ADGRE1: variants seen among roughly 807,000 people sequenced by gnomAD.
ADGRE1 encodes the protein EGF-like module receptor 1.
A neutral mutation model predicts 102.7 loss-of-function variants in ADGRE1; 82 were observed. The ratio of observed to expected loss-of-function variants is 0.80; its 90% CI spans 0.67 to 0.96. The LOEUF (loss-of-function observed/expected upper bound fraction) is 0.96. Ranked by LOEUF, ADGRE1 falls within the 40% of genes least tolerant of loss-of-function variation. The pLI is 0.00. For synonymous variants in ADGRE1, 398 were observed against 399.6 expected (o/e 1.00, Z 0.05); for missense variants, 1,032 against 1,085.3 (o/e 0.95, Z 0.69).
At chr19:6,938,777 C>CTTTCTTTCTTTCTTTT (rs1975545010) in intron 20 of ADGRE1, among the ~76,000 whole-genome samples, 1 of 11,306 alleles carries the variant, frequency 8.8e-5, no homozygotes, top group Non-Finnish European at 3.2e-4. Flanking sequence ...TTTCTTTTTT[C>CTTTCTTTCTTTCTTTT]TTTCTTTCTT....
At chr19:6,913,595 C>T in intron 10 of ADGRE1, 58 bp from the exon 11 acceptor site, 1 of 1,464,124 alleles carries the variant, frequency 6.8e-7, no homozygotes, top group Non-Finnish European at 9.2e-7. Context: ...AAAGGGACAG[C>T]TGTTATTTCA....
intron 17 of ADGRE1, among the ~76,000 whole-genome samples, chr19:6,931,376 A>G (rs991408583): frequency 4.6e-5 from 7 of 152,164 alleles, no homozygotes; most frequent in African/African-American, 1.7e-4. Context: ...GCTTAGAACA[A>G]CAGAGACTTG....
At chr19:6,927,069 T>A (rs10420766) in intron 16 of ADGRE1, among the ~76,000 whole-genome samples, 150 of 150,690 alleles carry the variant, frequency 1.0e-3, no homozygotes, top group African/African-American at 3.5e-3. Flanking sequence ...CAGAAAAAAG[T>A]GGGGGGAATA....
At chr19:6,920,554 A>G (rs1379577206) in intron 13 of ADGRE1, among the ~76,000 whole-genome samples, 8 of 75,942 alleles carry the variant, frequency 1.1e-4, no homozygotes, top group African/African-American at 3.5e-4. Context: ...ATGGAGTTTC[A>G]CTCTTGTTGC....
chr19:6,931,067 T>G, intron 17 of ADGRE1, among the ~76,000 whole-genome samples: 1 of 152,096 alleles, frequency 6.6e-6, no homozygotes. Flanking sequence ...CTCTTCCCTG[T>G]TCCCCACCCA....
chr19:6,906,346 C>G (rs366181), intron 8 of ADGRE1, 87 bp from the exon 9 acceptor site: 398,261 of 1,166,350 alleles, frequency 0.34, 76,332 homozygotes, highest in African/African-American at 0.75. Flanking sequence ...TTAAGTCGGG[C>G]ACGGGAGGAC....
At chr19:6,912,249 T>C (rs554831882) in intron 10 of ADGRE1, among the ~76,000 whole-genome samples, 1 of 152,032 alleles carries the variant, frequency 6.6e-6, no homozygotes, top group African/African-American at 2.4e-5. Context: ...CACACACACA[T>C]GCACACACAG....
In ADGRE1 at chr19:6,924,881, C is replaced by A. The variant is rs749560649; in HGVS notation, c.1986+9C>A. On this transcript the variant is annotated intron_variant, in intron 15 of 20. Coordinates refer to ENST00000312053, the MANE Select transcript of ADGRE1 (RefSeq NM_001974.5). ...ACAAGACTGACAACAAGGTCTACAT[C>A]GCTCGGGCTGTGTCCCCACCAAGCC... 3 of 1,613,268 alleles carry A rather than the reference C, an allele frequency of 1.9e-6. No individual in the cohort carries two copies. Among genetic ancestry groups the A allele is most frequent in the Non-Finnish European group, 1.7e-6 (2 of 1,179,606 alleles).
At chr19:6,930,361 A>C (rs1975086372) in intron 17 of ADGRE1, among the ~76,000 whole-genome samples, 1 of 152,216 alleles carries the variant, frequency 6.6e-6, no homozygotes, top group African/African-American at 2.4e-5. Context: ...CAGCCCTGCC[A>C]GATGATGATT....
chr19:6,928,627 TC>T, intron 17 of ADGRE1: 1 of 121,152 alleles, frequency 8.3e-6, no homozygotes, highest in Non-Finnish European at 1.5e-5. Context: ...AAACTCCGTC[TC>T]AAAAAAAAAA....
chr19:6,924,472 T>C (rs1974799707), intron 14 of ADGRE1, among the ~76,000 whole-genome samples: 1 of 152,076 alleles, frequency 6.6e-6, no homozygotes, highest in African/African-American at 2.4e-5. Context: ...GAGTAACGCA[T>C]AGGACAGGAC....
Position 6,919,612 on chromosome 19 carries a change from C to T in ADGRE1, c.1485C>T (p.Phe495=). The change falls in exon 13 of 21, where the codon TTC becomes TTT. Residue 495 remains phenylalanine, a synonymous_variant. Coordinates refer to ENST00000312053, the MANE Select transcript of ADGRE1 (RefSeq NM_001974.5). The stretch of plus-strand genomic sequence containing the variant: ...AATCGGTTTTAAATGAGCGCTTCTT[C>T]AAAGACCACCAGGCTCCCTTGACCA... The part of the protein sequence containing the change: ...GMESVLNERF[F]KDHQAPLTTS... 5 of 1,613,426 alleles carry T rather than the reference C, an allele frequency of 3.1e-6. No individual in the cohort carries two copies. The highest frequency in any genetic ancestry group is 1.7e-5 in the Admixed American group (1 of 59,860).
At position 6,926,493 on chromosome 19, in the gene ADGRE1, C is replaced by T; in HGVS notation, c.2114C>T (p.Ser705Phe). 1 of 1,614,242 alleles carries T rather than the reference C, an allele frequency of 6.2e-7. No homozygotes were observed. The highest frequency in any genetic ancestry group is 8.5e-7 in the Non-Finnish European group (1 of 1,180,048). ...RNLKVVNYFS[S>F]RNIKMLHICA... ...CTGAAGGTGGTGAATTACTTCAGCT[C>T]TCGCAACATCAAGATGCTGCACATC... The change falls in exon 16 of 21, where the codon TCT (serine) becomes TTT (phenylalanine). Residue 705 changes from serine (S) to phenylalanine (F), a missense_variant. Ser to Phe is a radical substitution (Grantham distance 155). Transcript: ENST00000312053.
chr19:6,897,879 A>G, intron 5 of ADGRE1: 1 of 193,790 alleles, frequency 5.2e-6, no homozygotes, highest in Non-Finnish European at 1.0e-5. Context: ...TGTTCCTGTC[A>G]CAGCATTGCT....
chr19:6,902,608 T>C (rs1448305460), intron 6 of ADGRE1, among the ~76,000 whole-genome samples: 2 of 151,990 alleles, frequency 1.3e-5, no homozygotes, highest in African/African-American at 2.4e-5. Context: ...GTCCAGCTAA[T>C]TTTTGTATTT....
At chr19:6,925,900 GT>G (rs1452624421) in intron 15 of ADGRE1, among the ~76,000 whole-genome samples, 2 of 151,792 alleles carry the variant, frequency 1.3e-5, no homozygotes, top group Non-Finnish European at 2.9e-5. Flanking sequence ...GTTTCATCAT[GT>G]TGCCCAGTCT....
chr19:6,928,689 C>T (rs1975023879), intron 17 of ADGRE1: 1 of 168,456 alleles, frequency 5.9e-6, no homozygotes. Context: ...TGCCTGTTAT[C>T]CCAGCACTTT....
chr19:6,909,224 A>C (rs1050389501), intron 10 of ADGRE1, among the ~76,000 whole-genome samples: 1 of 152,156 alleles, frequency 6.6e-6, no homozygotes, highest in African/African-American at 2.4e-5. Flanking sequence ...AGATTTGAAA[A>C]ATTAGCATAC....
chr19:6,897,305 G>A lies in ADGRE1; in HGVS notation c.394+1G>A, dbSNP rs1305945120. On this transcript the variant is annotated splice_donor_variant, in intron 4 of 20. Transcript: ENST00000312053. LOFTEE classifies it high-confidence loss of function. ...AAGCCGGGCAATTTCTCCTGTACTG[G>A]TAATGCTCTCAGGTTCCCAGGGATG... The A allele has an allele frequency of 6.2e-7, 1 of 1,613,842 alleles. No individual in the cohort carries two copies. The highest frequency in any genetic ancestry group is 1.7e-5 in the Admixed American group (1 of 59,950).
Sources: gnomAD v4.1 joint callset for allele counts (sites outside exome capture counted in the v4.1 genomes callset) on GRCh38, gnomAD v4.1.1 for gene constraint, MANE v1.5 for transcripts, NCBI Gene and HGNC (gene_info 2026-07-23, HGNC 2026-07-21) for gene names.